FERRY3: variants seen among roughly 807,000 people sequenced by gnomAD.
The protein encoded by FERRY3 is protein C12orf4.
At chr12:4,505,677 T>TTAA in the FERRY3 span, among the ~76,000 whole-genome samples, 1 of 152,236 alleles carries the variant, frequency 6.6e-6, no homozygotes. Flanking sequence ...AGCCAGGTCT[T>TTAA]TAATTCACAT....
chr12:4,519,870 C>A, the FERRY3 span, among the ~76,000 whole-genome samples: 18 of 152,196 alleles, frequency 1.2e-4, no homozygotes, highest in African/African-American at 4.3e-4. This position sits in a 1 kb window ranked among gnomAD's most constrained non-coding sequence, Gnocchi z 4.3. Context: ...CTCTCCAGCT[C>A]TCCTGGAAAA....
the FERRY3 span, chr12:4,535,997 A>T: frequency 6.7e-7 from 1 of 1,489,656 alleles, no homozygotes; most frequent in Non-Finnish European, 8.9e-7. This position sits in a 1 kb window ranked among gnomAD's most constrained non-coding sequence, Gnocchi z 4.0. Flanking sequence ...GTGTTACTTA[A>T]AAAAAAAAAC....
At chr12:4,531,986 G>A in the FERRY3 span, among the ~76,000 whole-genome samples, 10 of 152,144 alleles carry the variant, frequency 6.6e-5, no homozygotes, top group African/African-American at 2.2e-4. Context: ...AAGCAGATAA[G>A]CTATAAGTCT....
chr12:4,490,466 G>T, the FERRY3 span: 1 of 1,382,162 alleles, frequency 7.2e-7, no homozygotes, highest in Non-Finnish European at 9.9e-7. Context: ...AGCTGTATCT[G>T]TGAGAAATCT....
chr12:4,506,928 C>A, the FERRY3 span, among the ~76,000 whole-genome samples: 3 of 152,122 alleles, frequency 2.0e-5, no homozygotes, highest in Non-Finnish European at 2.9e-5. Flanking sequence ...TTCACAAAGT[C>A]CTTCTATAAC....
At chr12:4,535,993 C>CT in the FERRY3 span, 1 of 1,490,246 alleles carries the variant, frequency 6.7e-7, no homozygotes, top group Non-Finnish European at 8.9e-7. This position sits in a 1 kb window ranked among gnomAD's most constrained non-coding sequence, Gnocchi z 4.0. Flanking sequence ...AGTGGTGTTA[C>CT]TTAAAAAAAA....
chr12:4,500,043 A>G, the FERRY3 span: 1 of 1,248,750 alleles, frequency 8.0e-7, no homozygotes, highest in Non-Finnish European at 1.1e-6. Context: ...ATTAGTTTAA[A>G]AAAATGTAAA....
the FERRY3 span, among the ~76,000 whole-genome samples, chr12:4,509,557 G>C: frequency 3.8e-4 from 56 of 148,906 alleles, no homozygotes; most frequent in Admixed American, 2.3e-3. Flanking sequence ...ATCTGAGAAC[G>C]GGCAGACTGC....
the FERRY3 span, among the ~76,000 whole-genome samples, chr12:4,536,560 C>T: frequency 6.6e-6 from 1 of 151,988 alleles, no homozygotes. Flanking sequence ...TGGGGAAATA[C>T]AAAGCTTAAG....
At chr12:4,495,588 A>G in the FERRY3 span, among the ~76,000 whole-genome samples, 1 of 152,226 alleles carries the variant, frequency 6.6e-6, no homozygotes, top group African/African-American at 2.4e-5. Context: ...TATTATTCCA[A>G]TGCATTAAAA....
chr12:4,518,122 T>C, the FERRY3 span: 1 of 1,612,876 alleles, frequency 6.2e-7, no homozygotes, highest in African/African-American at 1.3e-5. Flanking sequence ...CACAGAGAGA[T>C]GTAGAATAAA....
At chr12:4,536,635 T>TA in the FERRY3 span, among the ~76,000 whole-genome samples, 2 of 152,020 alleles carry the variant, frequency 1.3e-5, no homozygotes, top group South Asian at 4.2e-4. Context: ...CTGGAGAACT[T>TA]AGAGGTTGTG....
chr12:4,517,971 T>C, the FERRY3 span: 1 of 1,273,536 alleles, frequency 7.9e-7, no homozygotes, highest in Middle Eastern at 2.6e-4. Context: ...TAAAATTTTT[T>C]TTCATTTTCC....
At chr12:4,507,419 C>T in the FERRY3 span, among the ~76,000 whole-genome samples, 1 of 152,118 alleles carries the variant, frequency 6.6e-6, no homozygotes, top group Non-Finnish European at 1.5e-5. Flanking sequence ...CATATTGCCA[C>T]AGCAAAACCT....
chr12:4,514,014 C>G, the FERRY3 span, among the ~76,000 whole-genome samples: 1 of 150,672 alleles, frequency 6.6e-6, no homozygotes, highest in Non-Finnish European at 1.5e-5. Context: ...GGGCTAATAT[C>G]CAGAATCTAC....
the FERRY3 span, among the ~76,000 whole-genome samples, chr12:4,496,497 A>G: frequency 2.6e-5 from 4 of 152,214 alleles, no homozygotes; most frequent in South Asian, 2.1e-4. Context: ...GAGAAATCCA[A>G]TGAAGCTGGA....
At chr12:4,510,814 A>C in the FERRY3 span, among the ~76,000 whole-genome samples, 1 of 149,372 alleles carries the variant, frequency 6.7e-6, no homozygotes, top group African/African-American at 2.5e-5. Context: ...AAGACCATCA[A>C]GACTAGGAAG....
At chr12:4,515,858 C>A in the FERRY3 span, among the ~76,000 whole-genome samples, 1 of 152,116 alleles carries the variant, frequency 6.6e-6, no homozygotes, top group Non-Finnish European at 1.5e-5. Context: ...TATGCTAATT[C>A]GTTTGAAGTA....
chr12:4,505,492 T>C, the FERRY3 span: 1 of 703,954 alleles, frequency 1.4e-6, no homozygotes, highest in South Asian at 1.7e-5. Flanking sequence ...AGGGCATCTA[T>C]GTGCCAGGCA....
Sources: gnomAD v4.1 joint callset for allele counts (sites outside exome capture counted in the v4.1 genomes callset) on GRCh38, gnomAD v4.1.1 for gene constraint, Gnocchi (gnomAD v3.1) non-coding constraint, MANE v1.5 for transcripts, NCBI Gene and HGNC (gene_info 2026-07-23, HGNC 2026-07-21) for gene names.